Variants in TNRC6A observed in about 807,000 individuals in gnomAD.
The protein encoded by TNRC6A is trinucleotide repeat containing adaptor 6A.
Under a neutral mutation model 221.2 loss-of-function variants are expected in TNRC6A, and 44 were observed. That is an observed-to-expected ratio of 0.20 (90% CI 0.16 to 0.26). The LOEUF (loss-of-function observed/expected upper bound fraction) is 0.26. Ranked by LOEUF, TNRC6A falls within the 10% of genes least tolerant of loss-of-function variation. The pLI is 1.00. For missense variants in TNRC6A, 2,199 were observed against 2,404.4 expected (o/e 0.91, Z 1.79); for synonymous variants, 847 against 838.5 (o/e 1.01, Z -0.18).
chr16:24,826,046 C>G lies in TNRC6A; in HGVS notation c.*2239C>G, dbSNP rs1009753061. ...ACTTCCATACTGGTTTTTCCAAAAA[C>G]CAAAGGTAGCTTTGAAAAACCATGT... On this transcript the variant is annotated 3_prime_UTR_variant, in exon 25 of 25. Transcript: ENST00000395799. 6.6e-6 allele frequency: 1 copy of G among 152,650 alleles called. No homozygotes were observed. The highest frequency in any genetic ancestry group is 2.1e-4 in the South Asian group (1 of 4,830). 9.5% of individuals were successfully genotyped at this position (152,650 alleles called of 1,614,324 possible). A position where few individuals can be genotyped will look rare whatever the true frequency, so the allele number is the denominator to read the frequency against.
intron 1 of TNRC6A, among the ~76,000 whole-genome samples, chr16:24,626,095 G>A (rs372558276): frequency 2.0e-5 from 3 of 152,000 alleles, no homozygotes; most frequent in East Asian, 3.9e-4. Context: ...GAGGTTTGGA[G>A]TAAGAATGCC....
chr16:24,677,378 G>T (rs2055441360), intron 2 of TNRC6A, among the ~76,000 whole-genome samples: 1 of 152,084 alleles, frequency 6.6e-6, no homozygotes, highest in Admixed American at 6.6e-5. Context: ...GGCCAGGCTG[G>T]TCTAAAACTC....
intron 2 of TNRC6A, among the ~76,000 whole-genome samples, chr16:24,678,303 C>T (rs2142040859): frequency 6.8e-6 from 1 of 147,486 alleles, no homozygotes; most frequent in Non-Finnish European, 1.5e-5. Context: ...AGAGTGAGAC[C>T]CTGTCTCAAA....
intron 1 of TNRC6A, among the ~76,000 whole-genome samples, chr16:24,623,148 T>A (rs1030829665): frequency 6.8e-6 from 1 of 147,598 alleles, no homozygotes; most frequent in Admixed American, 7.0e-5. Flanking sequence ...AGTTAAGTGA[T>A]AAGAATTTAT....
Position 24,820,168 on chromosome 16 carries a change from TCTC to T in TNRC6A, c.5113_5115del (p.Pro1705del), listed in dbSNP as rs2058738989. The T allele has an allele frequency of 1.9e-6, 3 of 1,614,048 alleles. No homozygotes were observed. Among genetic ancestry groups the T allele is most frequent in the Non-Finnish European group, 2.5e-6 (3 of 1,180,036 alleles). ...AAATAGTGATTCCAAATTGACATGG[TCTC>T]CTGGTTCAGTTACAAACACCTCTCT... On this transcript the variant is annotated inframe_deletion, in exon 22 of 25. Coordinates refer to ENST00000395799, the MANE Select transcript of TNRC6A (RefSeq NM_014494.4).
upstream of TNRC6A, among the ~76,000 whole-genome samples, chr16:24,726,955 C>G (rs2056502671): frequency 6.6e-6 from 1 of 151,918 alleles, no homozygotes; most frequent in Non-Finnish European, 1.5e-5. Context: ...ATAAAACACT[C>G]TACATTGCAG....
chr16:24,707,917 G>A (rs1256997822), intron 2 of TNRC6A, among the ~76,000 whole-genome samples: 1 of 152,106 alleles, frequency 6.6e-6, no homozygotes, highest in African/African-American at 2.4e-5. Flanking sequence ...ACATTAGCCC[G>A]GTGTGATGAC....
intron 17 of TNRC6A, among the ~76,000 whole-genome samples, chr16:24,807,091 T>A (rs990859325): frequency 6.6e-6 from 1 of 151,878 alleles, no homozygotes; most frequent in Non-Finnish European, 1.5e-5. Flanking sequence ...CTGCAACCTC[T>A]GCCTCCCGGG....
chr16:24,774,086 A>C (rs2057670272), intron 4 of TNRC6A, among the ~76,000 whole-genome samples: 1 of 152,214 alleles, frequency 6.6e-6, no homozygotes, highest in African/African-American at 2.4e-5. Context: ...TCCGTTGAAT[A>C]GATGAAGTTT....
At position 24,762,531 on chromosome 16, in the gene TNRC6A, C is replaced by G. The variant is rs572611832; in HGVS notation, c.163+4171C>G. On this transcript the variant is annotated intron_variant, in intron 4 of 24. Transcript: ENST00000395799. ...AATGTGCTAAGAGTTACTTTAGTTA[C>G]TGAATTTTGGAAATCTTTGGGATCC... is the stretch of plus-strand genomic sequence containing the variant. Among the ~76,000 whole-genome samples the G allele has an allele frequency of 1.1e-4, 17 of 152,252 alleles. No homozygotes were observed. In the South Asian group the frequency reaches 3.3e-3, roughly 30 times the overall value.
chr16:24,749,250 T>C (rs1467492418), intron 2 of TNRC6A, among the ~76,000 whole-genome samples: 1 of 152,184 alleles, frequency 6.6e-6, no homozygotes, highest in African/African-American at 2.4e-5. Flanking sequence ...AGTAGACTCC[T>C]TCCCTGAATG....
At chr16:24,761,763 T>C (rs1159689655) in intron 4 of TNRC6A, among the ~76,000 whole-genome samples, 2 of 152,098 alleles carry the variant, frequency 1.3e-5, no homozygotes, top group Non-Finnish European at 2.9e-5. Flanking sequence ...ACTCCTAGAC[T>C]CACACGATCT....
In TNRC6A at chr16:24,789,809, T is replaced by C; in HGVS notation, c.1167T>C (p.Ser389=). The change falls in exon 6 of 25, where the codon TCT becomes TCC. Residue 389 remains serine, a synonymous_variant. Coordinates refer to ENST00000395799, the MANE Select transcript of TNRC6A (RefSeq NM_014494.4). ...AAGGGCCTGTAGGGAGTGGTAGTTC[T>C]GGCATTAATATTCAGTGCAGTACTA... ...ALKGPVGSGS[S]GINIQCSTIG... The C allele has an allele frequency of 3.1e-6, 5 of 1,614,200 alleles. No homozygotes were observed. The highest frequency in any genetic ancestry group is 4.2e-6 in the Non-Finnish European group (5 of 1,180,018).
intron 7 of TNRC6A, 44 bp downstream of exon 7, chr16:24,793,693 G>A (rs557499529): frequency 9.0e-6 from 12 of 1,327,118 alleles, no homozygotes; most frequent in Admixed American, 2.9e-5. Context: ...TAGCAGTGGC[G>A]AACACTCACT....
At position 24,789,533 on chromosome 16, in the gene TNRC6A, T is replaced by C. The variant is rs747498902; in HGVS notation, c.891T>C (p.Val297=). The change falls in exon 6 of 25, where the codon GTT becomes GTC. Residue 297 remains valine (V), a synonymous_variant. Transcript: ENST00000395799. ...TGLGSQNKFV[V]GSSSNNVGHG... is the part of the protein sequence containing the mutation. ...TTGGTTCCCAAAACAAGTTTGTAGT[T>C]GGTAGCAGCAGCAATAATGTGGGCC... is the stretch of plus-strand genomic sequence containing the variant. 3 of 1,614,172 alleles carry C rather than the reference T, an allele frequency of 1.9e-6. No individual in the cohort carries two copies. The Admixed American group carries it at 5.0e-5, about 27-fold the overall frequency.
At chr16:24,639,931 A>T (rs1199134198) in intron 1 of TNRC6A, among the ~76,000 whole-genome samples, 1 of 152,202 alleles carries the variant, frequency 6.6e-6, no homozygotes, top group Non-Finnish European at 1.5e-5. Context: ...CTCTGGGATC[A>T]CATGCATAAG....
intron 1 of TNRC6A, among the ~76,000 whole-genome samples, chr16:24,626,580 T>A (rs966041459): frequency 4.6e-5 from 7 of 151,980 alleles, no homozygotes; most frequent in Non-Finnish European, 7.4e-5. Flanking sequence ...ATTTAAAAAA[T>A]TTTTTTACAT....
chr16:24,688,881 C>A (rs1033929448), intron 2 of TNRC6A, among the ~76,000 whole-genome samples: 5 of 152,140 alleles, frequency 3.3e-5, no homozygotes, highest in Admixed American at 3.3e-4. Flanking sequence ...ATTGGTTAAA[C>A]CAGTTAGAGG....
In TNRC6A at chr16:24,791,041, G is replaced by A. The variant is rs1449670827; in HGVS notation, c.2399G>A (p.Cys800Tyr). 1.3e-6 allele frequency: 2 copies of A among 1,593,944 alleles called. No individual in the cohort carries two copies. The highest frequency in any genetic ancestry group is 1.7e-5 in the Admixed American group (1 of 59,052). The change falls in exon 6 of 25, where the codon TGC (cysteine) becomes TAC (tyrosine). Residue 800 changes from cysteine (C) to tyrosine (Y), a missense_variant. Around this residue, in one of 8 missense-constraint regions of TNRC6A, gnomAD observed 1,405 missense variants for 1,400.2 expected, o/e 1.00. Coordinates refer to ENST00000395799, the MANE Select transcript of TNRC6A (RefSeq NM_014494.4). ...TGGGGAGATTCCAAAGGCTCAAACTGCCAGGGGGGGTGGGAAGATGATTCT... is the reference window on the plus strand; with the variant it reads ...TGGGGAGATTCCAAAGGCTCAAACTACCAGGGGGGGTGGGAAGATGATTCT... ...LRWGDSKGSN[C>Y]QGGWEDDSAA... is the part of the protein sequence containing the mutation.
Sources: allele counts gnomAD v4.1 joint callset (sites outside exome capture counted in the v4.1 genomes callset), GRCh38; gene constraint gnomAD v4.1.1; regional missense constraint gnomAD v4.1.1; transcripts MANE v1.5; gene names NCBI Gene and HGNC (gene_info 2026-07-23, HGNC 2026-07-21).